LRRC9: variants seen among roughly 807,000 people sequenced by gnomAD.
LRRC9 encodes leucine-rich repeat-containing protein 9.
A neutral mutation model predicts 63.2 loss-of-function variants in LRRC9; 122 were observed. The ratio of observed to expected loss-of-function variants is 1.93; its 90% CI spans 1.67 to 2.24. The LOEUF is 2.24. Among genes scored for constraint, LRRC9 ranks in the 30% most tolerant of loss-of-function variants. The pLI, the probability that LRRC9 is intolerant of heterozygous loss-of-function variation, is 0.00. For synonymous variants in LRRC9, 366 were observed against 213.1 expected (o/e 1.72, Z -6.25); for missense variants, 1,071 against 627.7 (o/e 1.71, Z -7.55).
At position 59,966,835 on chromosome 14, in the gene LRRC9, A is replaced by G. The variant is rs1884908837; in HGVS notation, c.1388+70A>G. ...CTGTATTTGTAAAATTTCTATTTTA[A>G]AAGTTTACAGCATTAAAAATATACA... On this transcript the variant is annotated intron_variant, in intron 11 of 31. Transcript: ENST00000445360. The surrounding 1 kb of genome is among the most constrained non-coding windows in gnomAD (Gnocchi z 4.0). 1 of 551,744 alleles carries G rather than the reference A, an allele frequency of 1.8e-6. No individual in the cohort carries two copies. The highest frequency in any genetic ancestry group is 3.1e-5 in the Admixed American group (1 of 32,760). 34.2% of individuals were successfully genotyped at this position (551,744 alleles called of 1,614,324 possible).
intron 29 of LRRC9, among the ~76,000 whole-genome samples, chr14:60,034,937 T>C (rs1892304161): frequency 1.3e-5 from 2 of 152,152 alleles, no homozygotes; most frequent in African/African-American, 2.4e-5. Flanking sequence ...TTTACCATAA[T>C]GGTAATTTAC....
rs1253544196 is a variant in LRRC9 at position 60,017,279 on chromosome 14, A to C, written c.3317+489A>C. Among the ~76,000 whole-genome samples the C allele has an allele frequency of 6.6e-6, 1 of 152,076 alleles. No individual in the cohort carries two copies. Among genetic ancestry groups the C allele is most frequent in the Non-Finnish European group, 1.5e-5 (1 of 68,008 alleles). ...TTTTCTTTACTGCCCATGATACTTC[A>C]TACTTCAGAAATTCTGAAATATTCT... is the stretch of plus-strand genomic sequence containing the variant. On this transcript the variant is annotated intron_variant, in intron 24 of 31. Coordinates refer to ENST00000445360, the Ensembl canonical transcript of LRRC9. This position sits in a 1 kb window ranked among gnomAD's most constrained non-coding sequence, Gnocchi z 4.0.
rs1890126568 is a variant in LRRC9 at position 59,936,238 on chromosome 14, C to T, written c.544-2152C>T. On this transcript the variant is annotated intron_variant, in intron 6 of 31. Transcript: ENST00000445360. The surrounding 1 kb of genome is among the most constrained non-coding windows in gnomAD (Gnocchi z 4.2). ...TGATAGCAGGATTATTATAAAAATTCATTGTGTGACATAATATTTAAAAAG... is the reference window on the plus strand; with the variant it reads ...TGATAGCAGGATTATTATAAAAATTTATTGTGTGACATAATATTTAAAAAG... Among the ~76,000 whole-genome samples the T allele has an allele frequency of 6.6e-6, 1 of 152,068 alleles. No homozygotes were observed. Among genetic ancestry groups the T allele is most frequent in the Admixed American group, 6.5e-5 (1 of 15,268 alleles).
intron 28 of LRRC9, among the ~76,000 whole-genome samples, chr14:60,030,957 CTATT>C (rs1245718947): frequency 6.6e-6 from 1 of 152,038 alleles, no homozygotes; most frequent in Non-Finnish European, 1.5e-5. Context: ...ATTTAATAGT[CTATT>C]TCCCATATTA....
chr14:60,023,257 A>C (rs1466145643), intron 27 of LRRC9, among the ~76,000 whole-genome samples: 1 of 152,114 alleles, frequency 6.6e-6, no homozygotes, highest in African/African-American at 2.4e-5. Flanking sequence ...AAGTAGCTTA[A>C]GATCTATCTG....
downstream of LRRC9, among the ~76,000 whole-genome samples, chr14:60,065,318 A>G (rs960657437): frequency 6.6e-6 from 1 of 151,898 alleles, no homozygotes; most frequent in Non-Finnish European, 1.5e-5. Flanking sequence ...TCTCAAAAAA[A>G]AATTTTTTTT....
chr14:59,986,020 T>A lies in LRRC9; in HGVS notation c.2211+796T>A, dbSNP rs1887435107. ...CTTTTTCATTTTGTAGTTTACCACT[T>A]CACATCTTAAGATGGTCAGTTCCTC... On this transcript the variant is annotated intron_variant, in intron 17 of 31. Transcript: ENST00000445360. This position sits in a 1 kb window ranked among gnomAD's most constrained non-coding sequence, Gnocchi z 4.7. Among the ~76,000 whole-genome samples, 1 of 152,146 alleles carries A rather than the reference T, an allele frequency of 6.6e-6. No homozygotes were observed. The highest frequency in any genetic ancestry group is 1.5e-5 in the Non-Finnish European group (1 of 67,998).
At chr14:60,054,160 G>A (rs978495659) in intron 30 of LRRC9, 18 of 228,680 alleles carry the variant, frequency 7.9e-5, no homozygotes, top group African/African-American at 2.3e-4. Flanking sequence ...GATTAATTCC[G>A]GTGACACTCC....
intron 3 of LRRC9, among the ~76,000 whole-genome samples, chr14:59,928,853 G>T (rs996114555): frequency 2.6e-5 from 4 of 152,032 alleles, no homozygotes; most frequent in African/African-American, 7.2e-5. Flanking sequence ...ATATGGTGCT[G>T]GGATAACTGG....
chr14:59,961,033 G>A lies in LRRC9; in HGVS notation c.1199G>A (p.Arg400Gln), dbSNP rs1456713040. The A allele has an allele frequency of 8.8e-6, 6 of 680,596 alleles. No individual in the cohort carries two copies. The East Asian group carries it at 1.1e-4, about 12-fold the overall frequency. 42.2% of individuals were successfully genotyped at this position (680,596 alleles called of 1,614,324 possible). ...AATTTCCATTTTGAAGAAGGCACTC[G>A]ATCTGATGACTGGTAAATCTGTTAG... The change falls in exon 10 of 32, where the codon CGA becomes CAA. Residue 400 changes from arginine (R) to glutamine (Q), a missense_variant. Arg to Gln is a conservative substitution (Grantham distance 43). Transcript: ENST00000445360.
chr14:59,991,767 G>T (rs1209566780), intron 17 of LRRC9, among the ~76,000 whole-genome samples: 2 of 118,580 alleles, frequency 1.7e-5, no homozygotes, highest in Non-Finnish European at 3.9e-5. Context: ...CAAGGCTGGG[G>T]GAGGGGTGCC....
chr14:60,064,402 G>A (rs1297250614), downstream of LRRC9, among the ~76,000 whole-genome samples: 2 of 152,156 alleles, frequency 1.3e-5, no homozygotes, highest in East Asian at 3.9e-4. Flanking sequence ...TTCCTTACAC[G>A]AAAATAAATT....
chr14:60,009,903 A>G (rs2140241961), intron 23 of LRRC9, among the ~76,000 whole-genome samples: 1 of 152,166 alleles, frequency 6.6e-6, no homozygotes, highest in African/African-American at 2.4e-5. Flanking sequence ...ATCTCCTTTG[A>G]CTCCATGTCT....
exon 10 of LRRC9, chr14:59,961,005 G>A: frequency 1.4e-6 from 1 of 691,078 alleles, no homozygotes; most frequent in Non-Finnish European, 2.6e-6. Context: ...AGAGACTGTG[G>A]GAAATTTCCA....
intron 29 of LRRC9, among the ~76,000 whole-genome samples, chr14:60,044,949 T>C (rs1566904860): frequency 6.6e-6 from 1 of 152,204 alleles, no homozygotes; most frequent in Non-Finnish European, 1.5e-5. Flanking sequence ...AATGTTTGTT[T>C]TATATATTTT....
At chr14:59,980,733 T>C (rs941561136) in intron 15 of LRRC9, among the ~76,000 whole-genome samples, 6 of 152,206 alleles carry the variant, frequency 3.9e-5, no homozygotes, top group African/African-American at 1.4e-4. Flanking sequence ...TATATTGCTA[T>C]AATGAATGGG....
chr14:59,946,436 A>G (rs1222256290), intron 8 of LRRC9, among the ~76,000 whole-genome samples: 1 of 151,490 alleles, frequency 6.6e-6, no homozygotes, highest in African/African-American at 2.4e-5. Flanking sequence ...GAGAAAAATA[A>G]TGGCTATAGA....
chr14:60,026,282 T>A (rs2140308378), intron 27 of LRRC9, among the ~76,000 whole-genome samples: 1 of 152,240 alleles, frequency 6.6e-6, no homozygotes, highest in Admixed American at 6.5e-5. Context: ...GCATTTATGA[T>A]TGCCTGTCTT....
intron 1 of LRRC9, among the ~76,000 whole-genome samples, chr14:59,924,354 C>T (rs540352646): frequency 6.6e-6 from 1 of 152,186 alleles, no homozygotes; most frequent in Non-Finnish European, 1.5e-5. Context: ...TTTGATGGAG[C>T]TTCCAAATTC....
Sources: allele counts gnomAD v4.1 joint callset (sites outside exome capture counted in the v4.1 genomes callset), GRCh38; gene constraint gnomAD v4.1.1; non-coding constraint Gnocchi (gnomAD v3.1); transcripts MANE v1.5; gene names NCBI Gene and HGNC (gene_info 2026-07-23, HGNC 2026-07-21).